The following YAE1 variants were observed in gnomAD, a reference collection of about 807,000 sequenced individuals.
The protein encoded by YAE1 is YAE1 maturation factor of ABCE1, also known as protein YAE1 homolog.
Under a neutral mutation model 23.0 loss-of-function variants are expected in YAE1, and 22 were observed. The ratio of observed to expected loss-of-function variants is 0.96; its 90% CI spans 0.68 to 1.37. YAE1 has a LOEUF of 1.37. YAE1 is among the 40% of genes most tolerant of loss of function. The pLI, the probability that YAE1 is intolerant of heterozygous loss-of-function variation, is 0.00. For synonymous variants in YAE1, 101 were observed against 97.0 expected (o/e 1.04, Z -0.24); for missense variants, 260 against 262.1 (o/e 0.99, Z 0.06).
intron 2 of YAE1, among the ~76,000 whole-genome samples, chr7:39,589,774 T>G (rs1037258425): frequency 6.6e-6 from 1 of 152,204 alleles, no homozygotes; most frequent in Non-Finnish European, 1.5e-5. Flanking sequence ...AGGAGACTTA[T>G]GAAGGGCAAT....
Position 39,570,093 on chromosome 7 carries a change from C to A in YAE1, c.130-413C>A, listed in dbSNP as rs1410082521. The A allele has an allele frequency of 3.1e-5, 34 of 1,096,334 alleles. 2 individuals carry two copies. In the Admixed American group the frequency reaches 4.5e-4, roughly 15 times the overall value. 67.9% of individuals were successfully genotyped at this position (1,096,334 alleles called of 1,614,324 possible). A position where few individuals can be genotyped will look rare whatever the true frequency, so the allele number is the denominator to read the frequency against. Reference sequence around the variant, plus strand: ...TCCAGCAGCTCTCTCCAGTTCTTGTCTGTGATGATGCGTACGTTGCTCTGC... The same window carrying A: ...TCCAGCAGCTCTCTCCAGTTCTTGTATGTGATGATGCGTACGTTGCTCTGC... On this transcript the variant is annotated intron_variant, in intron 1 of 2. Transcript: ENST00000223273.
intron 2 of YAE1, among the ~76,000 whole-genome samples, chr7:39,586,026 G>T (rs1178408768): frequency 6.6e-6 from 1 of 152,104 alleles, no homozygotes. Context: ...CTGTAACTTT[G>T]GAGGTCAAGG....
chr7:39,606,707 A>C (rs1015196528), intron 2 of YAE1, among the ~76,000 whole-genome samples: 19 of 31,068 alleles, frequency 6.1e-4, no homozygotes, highest in Non-Finnish European at 9.3e-4. Flanking sequence ...CCAAAAAAGC[A>C]CTAAAAAAAA....
chr7:39,593,386 T>C (rs1197581447), intron 2 of YAE1, among the ~76,000 whole-genome samples: 1 of 151,974 alleles, frequency 6.6e-6, no homozygotes, highest in African/African-American at 2.4e-5. Flanking sequence ...GGTTTTACCA[T>C]GTAGGCCAGT....
chr7:39,579,667 C>CAA (rs70996816), intron 2 of YAE1, among the ~76,000 whole-genome samples: 20,239 of 140,184 alleles, frequency 0.14, 1,538 homozygotes, highest in African/African-American at 0.2. Context: ...GACTCTGTCT[C>CAA]AAAAAAAAAA....
At chr7:39,568,558 A>T (rs1188230509) in intron 1 of YAE1, among the ~76,000 whole-genome samples, 1 of 152,204 alleles carries the variant, frequency 6.6e-6, no homozygotes, top group African/African-American at 2.4e-5. Flanking sequence ...ATCTGAAATG[A>T]ATGGCCAAAA....
chr7:39,576,821 A>G (rs1243854289), downstream of YAE1, among the ~76,000 whole-genome samples: 1 of 152,242 alleles, frequency 6.6e-6, no homozygotes, highest in African/African-American at 2.4e-5. Flanking sequence ...CTACTAGCCA[A>G]CATGGAAATA....
intron 2 of YAE1, among the ~76,000 whole-genome samples, chr7:39,588,632 T>A (rs908434821): frequency 6.6e-6 from 1 of 152,148 alleles, no homozygotes; most frequent in Non-Finnish European, 1.5e-5. Context: ...AGGAGAAGAC[T>A]TTGATACATG....
rs370264664 is a variant in YAE1, at chr7:39,570,592, C to T, written c.216C>T (p.Val72=). The change falls in exon 2 of 3, where the codon GTC becomes GTT. Residue 72 remains valine, a synonymous_variant. Transcript: ENST00000223273. ...FNQGYKKGAE[V]ILNYGRLRGT... ...AAGGTTATAAGAAAGGTGCAGAAGT[C>T]ATTTTAAACTATGGACGACTCCGAG... The T allele has an allele frequency of 6.2e-7, 1 of 1,604,882 alleles. No individual in the cohort carries two copies. The highest frequency in any genetic ancestry group is 8.5e-7 in the Non-Finnish European group (1 of 1,178,072).
chr7:39,574,979 G>T (rs1023877918), downstream of YAE1, among the ~76,000 whole-genome samples: 1 of 152,226 alleles, frequency 6.6e-6, no homozygotes, highest in Non-Finnish European at 1.5e-5. Flanking sequence ...TGTGTTCCAT[G>T]AACATGAGCC....
downstream of YAE1, among the ~76,000 whole-genome samples, chr7:39,573,908 G>A (rs4720327): frequency 0.67 from 101,404 of 152,096 alleles, 34,701 homozygotes; most frequent in African/African-American, 0.83. Context: ...ATCTCTCCAG[G>A]TGTGAAGACT....
exon 3 of YAE1, chr7:39,610,205 C>T: frequency 4.8e-6 from 3 of 623,854 alleles, no homozygotes; most frequent in South Asian, 2.0e-5. Flanking sequence ...CAGAGCAATA[C>T]GAGTCGTTTG....
chr7:39,583,106 ATTTT>A (rs1364706400), intron 2 of YAE1, among the ~76,000 whole-genome samples: 1 of 152,246 alleles, frequency 6.6e-6, no homozygotes, highest in Non-Finnish European at 1.5e-5. Flanking sequence ...ATGATCAACA[ATTTT>A]AAAAATTGAG....
intron 2 of YAE1, among the ~76,000 whole-genome samples, chr7:39,587,227 T>G: frequency 6.6e-6 from 1 of 151,902 alleles, no homozygotes; most frequent in Non-Finnish European, 1.5e-5. Context: ...CAACTAATTT[T>G]TGTATTTTTA....
intron 2 of YAE1, among the ~76,000 whole-genome samples, chr7:39,597,213 A>G (rs945706390): frequency 2.6e-5 from 4 of 152,226 alleles, no homozygotes; most frequent in Non-Finnish European, 4.4e-5. Flanking sequence ...CTCATTATTC[A>G]TGATGTGCTA....
intron 2 of YAE1, among the ~76,000 whole-genome samples, chr7:39,599,865 A>C (rs549735241): frequency 6.6e-6 from 1 of 152,174 alleles, no homozygotes; most frequent in Non-Finnish European, 1.5e-5. Flanking sequence ...CTGGGATTAC[A>C]GGCGTCAGCC....
At chr7:39,569,884 A>C in intron 1 of YAE1, 1 of 1,083,562 alleles carries the variant, frequency 9.2e-7, no homozygotes, top group Non-Finnish European at 1.4e-6. Context: ...CCATCTTTAC[A>C]ATGATAAATA....
chr7:39,591,354 AGGATACTG>A (rs1342439167), intron 2 of YAE1, among the ~76,000 whole-genome samples: 1 of 152,186 alleles, frequency 6.6e-6, no homozygotes, highest in Non-Finnish European at 1.5e-5. Context: ...TAAAACATGG[AGGATACTG>A]TTCGACACAT....
intron 2 of YAE1, among the ~76,000 whole-genome samples, chr7:39,595,183 A>T (rs1790957174): frequency 6.6e-6 from 1 of 151,934 alleles, no homozygotes; most frequent in Non-Finnish European, 1.5e-5. Context: ...TTACCCTTCA[A>T]TTCTATTTCC....
Sources: gnomAD v4.1 joint callset for allele counts (sites outside exome capture counted in the v4.1 genomes callset) on GRCh38, gnomAD v4.1.1 for gene constraint, MANE v1.5 for transcripts, NCBI Gene and HGNC (gene_info 2026-07-23, HGNC 2026-07-21) for gene names.